The following ZNF266 variants were observed in gnomAD, a reference collection of about 807,000 sequenced individuals.
The protein encoded by ZNF266 is zinc finger protein 266, also known as zinc finger protein 1.
ZNF266 carries 16 observed loss-of-function variants against 16.4 expected under a neutral mutation model. That is an observed-to-expected ratio of 0.98 (90% CI 0.66 to 1.48). ZNF266 has a LOEUF of 1.48. Ranked by LOEUF, ZNF266 falls within the 40% of genes most tolerant of loss-of-function variation. The pLI, the probability that ZNF266 is intolerant of heterozygous loss-of-function variation, is 0.00. For missense variants in ZNF266, 738 were observed against 689.1 expected, an observed-to-expected ratio of 1.07 and a Z score of -0.79; for synonymous variants, 262 against 237.9, an observed-to-expected ratio of 1.10 and a Z score of -0.93.
In ZNF266 at chr19:9,420,165, A is replaced by AAT. The variant is rs1487321895; in HGVS notation, c.-78_-77dup. 6.6e-6 allele frequency: 1 copy of AAT among 150,706 alleles called. No homozygotes were observed. Among genetic ancestry groups the AAT allele is most frequent in the African/African-American group, 2.5e-5 (1 of 40,776 alleles). 9.3% of individuals were successfully genotyped at this position (150,706 alleles called of 1,614,324 possible). A position where few individuals can be genotyped will look rare whatever the true frequency, so the allele number is the denominator to read the frequency against. The stretch of plus-strand genomic sequence containing the variant: ...AAGGATCACTCCAGGACAGCTTAGG[A>AAT]ATCTACACGGACAGAGGTAACCTCC... On this transcript the variant is annotated 5_prime_UTR_variant, in exon 6 of 11. It removes the in-frame stop codon of an upstream open reading frame in the 5' UTR. Transcript: ENST00000592904.
At chr19:9,430,516 C>A (rs75845451) in intron 5 of ZNF266, among the ~76,000 whole-genome samples, 3,728 of 152,252 alleles carry the variant, frequency 0.024, 93 homozygotes, top group African/African-American at 0.063. Flanking sequence ...TACCACTAAC[C>A]TTTACATATG....
intron 3 of ZNF266, 107 bp from the exon 4 acceptor site, chr19:9,434,342 A>C (rs1034856707): frequency 3.3e-5 from 5 of 152,160 alleles, no homozygotes; most frequent in Non-Finnish European, 7.3e-5. Flanking sequence ...AGCCTCCTCC[A>C]CTAGTTTACA....
chr19:9,428,020 T>C (rs1020001411), intron 5 of ZNF266, among the ~76,000 whole-genome samples: 1 of 152,128 alleles, frequency 6.6e-6, no homozygotes, highest in Non-Finnish European at 1.5e-5. Context: ...ACTCCCTTCA[T>C]GCTAGAGACT....
intron 5 of ZNF266, among the ~76,000 whole-genome samples, chr19:9,426,895 C>T (rs2070831095): frequency 6.6e-6 from 1 of 152,138 alleles, no homozygotes; most frequent in Non-Finnish European, 1.5e-5. Flanking sequence ...TCATAGTACC[C>T]ATGGCCCTAA....
At chr19:9,431,105 C>A (rs190309349) in intron 5 of ZNF266, among the ~76,000 whole-genome samples, 187 of 152,328 alleles carry the variant, frequency 1.2e-3, no homozygotes, top group Non-Finnish European at 1.9e-3. Context: ...ACAGAAGCCT[C>A]AGGACCTAAT....
At chr19:9,432,291 T>C (rs531927128) in intron 5 of ZNF266, among the ~76,000 whole-genome samples, 1 of 152,320 alleles carries the variant, frequency 6.6e-6, no homozygotes, top group East Asian at 1.9e-4. Flanking sequence ...GTGTATACAT[T>C]ACTGTTGCTG....
Position 9,414,529 on chromosome 19 carries a change from A to C in ZNF266, c.597T>G (p.Ser199Arg). The change falls in exon 11 of 11, where the codon AGT becomes AGG. Residue 199 changes from serine (S) to arginine (R), a missense_variant. Physicochemically the swap from Ser to Arg is moderately radical, Grantham distance 110. Transcript: ENST00000592904. ...TCAGGCTGAAGGCTTTTCCACACTG[A>C]CTAAATACAGAACGTTGCTCTCCAG... The part of the protein sequence containing the change: ...TSTGEQRSVF[S>R]QCGKAFSLNP... 1 of 1,614,164 alleles carries C rather than the reference A, an allele frequency of 6.2e-7. No individual in the cohort carries two copies. The highest frequency in any genetic ancestry group is 8.5e-7 in the Non-Finnish European group (1 of 1,179,968).
chr19:9,434,270 C>T (rs897771987), intron 3 of ZNF266, 35 bp from the exon 4 acceptor site: 12 of 152,272 alleles, frequency 7.9e-5, no homozygotes, highest in Middle Eastern at 3.4e-3. Context: ...ATAATTCTGT[C>T]CTCTACTTTA....
Position 9,413,812 on chromosome 19 carries a change from T to C in ZNF266, c.1314A>G (p.Ala438=), listed in dbSNP as rs1407664028. The stretch of plus-strand genomic sequence containing the variant: ...AGGGCCTCTCTCCACTGTGAGTTCG[T>C]GCATGCTTAGTAAGGTCTGAGTTCT... ...FTQNSDLTKH[A]RTHSGERPYE... The change falls in exon 11 of 11, where the codon GCA becomes GCG. Residue 438 remains alanine (A), a synonymous_variant. Coordinates refer to ENST00000592904, the MANE Select transcript of ZNF266 (RefSeq NM_001370374.1). 1 of 1,614,130 alleles carries C rather than the reference T, an allele frequency of 6.2e-7. No homozygotes were observed. Among genetic ancestry groups the C allele is most frequent in the Non-Finnish European group, 8.5e-7 (1 of 1,179,986 alleles).
rs1198180326 is a variant in ZNF266, at chr19:9,433,744, G to A, written c.-206C>T. 6.6e-6 allele frequency: 1 copy of A among 151,446 alleles called. No individual in the cohort carries two copies. Among genetic ancestry groups the A allele is most frequent in the Admixed American group, 6.6e-5 (1 of 15,170 alleles). 9.4% of individuals were successfully genotyped at this position (151,446 alleles called of 1,614,324 possible). A position where few individuals can be genotyped will look rare whatever the true frequency, so the allele number is the denominator to read the frequency against. On this transcript the variant is annotated 5_prime_UTR_variant, in exon 5 of 11. Transcript: ENST00000592904. ...GAGGTGGGTGGATCACTTGAGGTCA[G>A]GAGTCTGAGACCAGACTGGCCAACA...
chr19:9,415,795 G>C lies in ZNF266; in HGVS notation c.317-53C>G, dbSNP rs187913794. 1.7e-3 allele frequency: 2,516 copies of C among 1,468,930 alleles called. 2 individuals are homozygous for C. Among genetic ancestry groups the C allele is most frequent in the Non-Finnish European group, 2.1e-3 (2,246 of 1,056,404 alleles). The allele number at this position is 1,468,930 out of a possible 1,614,324, so 91.0% of individuals were successfully genotyped here. ...TGGAGACATACAGGGTAGACAGATG[G>C]AGCTGAAAATGAGAGGGATCATTTG... On this transcript the variant is annotated intron_variant, in intron 9 of 10. Transcript: ENST00000592904.
chr19:9,415,749 A>T lies in ZNF266; in HGVS notation c.317-7T>A. On this transcript the variant is annotated splice_polypyrimidine_tract_variant and splice_region_variant and intron_variant, in intron 9 of 10. Coordinates refer to ENST00000592904, the MANE Select transcript of ZNF266 (RefSeq NM_001370374.1). ...TGCACTTTCCATTCTGAAGCTGAAGAGAAAAAGAAATGTAAGGGTTTGGAG... is the reference window on the plus strand; with the variant it reads ...TGCACTTTCCATTCTGAAGCTGAAGTGAAAAAGAAATGTAAGGGTTTGGAG... 1 of 1,610,646 alleles carries T rather than the reference A, an allele frequency of 6.2e-7. No individual in the cohort carries two copies. Among genetic ancestry groups the T allele is most frequent in the Non-Finnish European group, 8.5e-7 (1 of 1,177,424 alleles).
chr19:9,413,062 GAGA>G lies in ZNF266; in HGVS notation c.*210_*212del, dbSNP rs2068462713. 1.7e-5 allele frequency: 10 copies of G among 573,282 alleles called. No homozygotes were observed. The South Asian group carries it at 2.7e-4, about 16-fold the overall frequency. 35.5% of individuals were successfully genotyped at this position (573,282 alleles called of 1,614,324 possible). On this transcript the variant is annotated 3_prime_UTR_variant, in exon 11 of 11. Transcript: ENST00000592904. ...TACATTCATACAGTTTCTCTCCAGTGAGATTTCTGATGTGTTTGGTAAGGCTTG... is the reference window on the plus strand; with the variant it reads ...TACATTCATACAGTTTCTCTCCAGTGTTTCTGATGTGTTTGGTAAGGCTTG...
In ZNF266 at chr19:9,420,181, G is replaced by C. The variant is rs2069642893; in HGVS notation, c.-92C>G. 6.6e-6 allele frequency: 1 copy of C among 152,536 alleles called. No individual in the cohort carries two copies. The highest frequency in any genetic ancestry group is 6.6e-5 in the Admixed American group (1 of 15,266). 9.4% of individuals were successfully genotyped at this position (152,536 alleles called of 1,614,324 possible). A position where few individuals can be genotyped will look rare whatever the true frequency, so the allele number is the denominator to read the frequency against. On this transcript the variant is annotated 5_prime_UTR_variant, in exon 6 of 11. Transcript: ENST00000592904. Reference sequence around the variant, plus strand: ...CAGCTTAGGAATCTACACGGACAGAGGTAACCTCCATTCTCTTTATCCAGG... The same window carrying C: ...CAGCTTAGGAATCTACACGGACAGACGTAACCTCCATTCTCTTTATCCAGG...
chr19:9,418,647 C>A lies in ZNF266; in HGVS notation c.109-16G>T, dbSNP rs2069416075. The A allele has an allele frequency of 6.4e-6, 8 of 1,241,266 alleles. No homozygotes were observed. Among genetic ancestry groups the A allele is most frequent in the African/African-American group, 1.5e-5 (1 of 67,542 alleles). The allele number at this position is 1,241,266 out of a possible 1,614,324, so 76.9% of individuals were successfully genotyped here. On this transcript the variant is annotated splice_polypyrimidine_tract_variant and intron_variant, in intron 7 of 10. Transcript: ENST00000592904. ...TCACTGAATCCTAAACCATCACACA[C>A]ATGCTGGCTTGAGCCACAAAACATG...
intron 10 of ZNF266, among the ~76,000 whole-genome samples, chr19:9,415,072 A>G (rs763941437): frequency 2.6e-5 from 4 of 152,218 alleles, no homozygotes; most frequent in Non-Finnish European, 5.9e-5. Context: ...ACGTGGGCAG[A>G]TCACCTCAGG....
intron 7 of ZNF266, 180 bp downstream of exon 7, chr19:9,419,037 A>G (rs1416079820): frequency 6.3e-6 from 1 of 159,398 alleles, no homozygotes; most frequent in Admixed American, 6.3e-5. Context: ...ATGACATTCA[A>G]GGCAAACCCT....
At position 9,418,521 on chromosome 19, in the gene ZNF266, C is replaced by T; in HGVS notation, c.219G>A (p.Lys73=). 5.0e-6 allele frequency: 8 copies of T among 1,614,194 alleles called. No individual in the cohort carries two copies. Among genetic ancestry groups the T allele is most frequent in the African/African-American group, 1.3e-5 (1 of 75,050 alleles). The change falls in exon 8 of 11, where the codon AAG becomes AAA. Residue 73 remains lysine (K), a synonymous_variant. Transcript: ENST00000592904. The part of the protein sequence containing the change: ...LYRDVMLENY[K]NLATVGYQLF... Reference sequence around the variant, plus strand: ...CAGTCTTACCTACTGTGGCCAAATTCTTGTAGTTCTCCAGCATCACATCTC... The same window carrying T: ...CAGTCTTACCTACTGTGGCCAAATTTTTGTAGTTCTCCAGCATCACATCTC...
intron 5 of ZNF266, among the ~76,000 whole-genome samples, chr19:9,428,257 C>G (rs2071060073): frequency 1.3e-5 from 2 of 152,190 alleles, no homozygotes; most frequent in Non-Finnish European, 2.9e-5. Flanking sequence ...AAACAACCCC[C>G]CATAAGCTCT....
Sources: allele counts gnomAD v4.1 joint callset (sites outside exome capture counted in the v4.1 genomes callset), GRCh38; gene constraint gnomAD v4.1.1; transcripts MANE v1.5; gene names NCBI Gene and HGNC (gene_info 2026-07-23, HGNC 2026-07-21).